The following TCF7L1 variants were observed in gnomAD, a reference collection of about 807,000 sequenced individuals.
TCF7L1 encodes transcription factor 7 like 1, also known as transcription factor 7-like 1.
In TCF7L1, 18 loss-of-function variants were observed where a neutral mutation model predicts 63.7. The observed-to-expected ratio is 0.28, with a 90% CI of 0.20 to 0.42. TCF7L1 has a LOEUF of 0.42. Among genes scored for constraint, TCF7L1 ranks in the 10% least tolerant of loss-of-function variants. The pLI, the probability that TCF7L1 is intolerant of heterozygous loss-of-function variation, is 1.00. For missense variants in TCF7L1, 654 were observed against 779.3 expected (o/e 0.84, Z 1.91); for synonymous variants, 355 against 340.9 (o/e 1.04, Z -0.46).
At chr2:85,177,301 T>G (rs993730934) in intron 3 of TCF7L1, among the ~76,000 whole-genome samples, 1 of 152,182 alleles carries the variant, frequency 6.6e-6, no homozygotes, top group Non-Finnish European at 1.5e-5. Context: ...CATTGGGGAT[T>G]GGATTTCAAC....
chr2:85,306,183 C>T lies in TCF7L1; in HGVS notation c.990-23C>T. On this transcript the variant is annotated intron_variant, in intron 8 of 11. Transcript: ENST00000282111. The surrounding 1 kb of genome is among the most constrained non-coding windows in gnomAD (Gnocchi z 4.3). ...AGTTGTGTGACACCTGACATGCTAA[C>T]CTACAACCACGTGCCTTCCCAGGAA... 6.2e-7 allele frequency: 1 copy of T among 1,613,828 alleles called. No homozygotes were observed. The highest frequency in any genetic ancestry group is 8.5e-7 in the Non-Finnish European group (1 of 1,179,854).
At chr2:85,144,303 G>A (rs1677812720) in intron 3 of TCF7L1, among the ~76,000 whole-genome samples, 1 of 151,724 alleles carries the variant, frequency 6.6e-6, no homozygotes, top group African/African-American at 2.4e-5. Context: ...ATACTAGGCT[G>A]CATGTGGTAG....
intron 3 of TCF7L1, among the ~76,000 whole-genome samples, chr2:85,251,466 T>C (rs1384012094): frequency 3.3e-5 from 5 of 152,232 alleles, no homozygotes; most frequent in Non-Finnish European, 5.9e-5. Context: ...AGGCTTTTTC[T>C]AGCAGCTGTG....
intron 3 of TCF7L1, among the ~76,000 whole-genome samples, chr2:85,208,709 G>C (rs925953322): frequency 2.6e-5 from 4 of 152,140 alleles, no homozygotes; most frequent in Admixed American, 2.0e-4. Context: ...ATGGAAATGG[G>C]AGCTGCCTCT....
At chr2:85,148,834 C>T (rs981866519) in intron 3 of TCF7L1, among the ~76,000 whole-genome samples, 2 of 135,620 alleles carry the variant, frequency 1.5e-5, no homozygotes, top group Admixed American at 8.2e-5. Context: ...AGTGAAGTGG[C>T]GCGATCTTGG....
intron 3 of TCF7L1, among the ~76,000 whole-genome samples, chr2:85,258,369 TC>T (rs1409294904): frequency 6.6e-6 from 1 of 152,152 alleles, no homozygotes; most frequent in Non-Finnish European, 1.5e-5. Context: ...GCCTGACTCT[TC>T]CCTGGACGTG....
At chr2:85,223,273 A>G (rs1679887381) in intron 3 of TCF7L1, among the ~76,000 whole-genome samples, 1 of 152,144 alleles carries the variant, frequency 6.6e-6, no homozygotes, top group Non-Finnish European at 1.5e-5. Context: ...TTGTAGAGAC[A>G]AGGTTTCGAA....
At chr2:85,173,330 G>A (rs1574090243) in intron 3 of TCF7L1, among the ~76,000 whole-genome samples, 1 of 151,830 alleles carries the variant, frequency 6.6e-6, no homozygotes, top group Non-Finnish European at 1.5e-5. Context: ...TACGGAGGGG[G>A]TGGGGGGCTC....
intron 11 of TCF7L1, 80 bp downstream of exon 11, chr2:85,307,797 T>A (rs1682152525): frequency 7.4e-7 from 1 of 1,343,904 alleles, no homozygotes; most frequent in African/African-American, 1.4e-5. Context: ...TCTAGCTCCC[T>A]GATGGGTCAG....
At chr2:85,245,628 C>T (rs903517251) in intron 3 of TCF7L1, among the ~76,000 whole-genome samples, 2 of 151,838 alleles carry the variant, frequency 1.3e-5, no homozygotes, top group Admixed American at 1.3e-4. Context: ...CTGGCTAACA[C>T]GGTGAAACCC....
chr2:85,208,470 G>A (rs1048920129), intron 3 of TCF7L1, among the ~76,000 whole-genome samples: 3 of 152,184 alleles, frequency 2.0e-5, no homozygotes, highest in Admixed American at 1.3e-4. Context: ...AAGAGGTGGG[G>A]ATGTTGTTGT....
At chr2:85,211,826 A>G (rs547887799) in intron 3 of TCF7L1, among the ~76,000 whole-genome samples, 34 of 152,262 alleles carry the variant, frequency 2.2e-4, no homozygotes, top group Middle Eastern at 3.4e-3. Flanking sequence ...ATGGTAGCTC[A>G]TGCCTGTAAT....
Position 85,173,566 on chromosome 2 carries a change from C to A in TCF7L1, c.441+39116C>A, listed in dbSNP as rs558836682. 2.0e-5 allele frequency among the ~76,000 whole-genome samples: 3 copies of A among 152,242 alleles called. No individual in the cohort carries two copies. In the East Asian group the frequency reaches 5.8e-4, roughly 29 times the overall value. ...TATGAAGGCAGGGGAATCGCAAATACATTTATGCCAGTTTTTGTTTTTCAA... is the reference window on the plus strand; with the variant it reads ...TATGAAGGCAGGGGAATCGCAAATAAATTTATGCCAGTTTTTGTTTTTCAA... On this transcript the variant is annotated intron_variant, in intron 3 of 11. Coordinates refer to ENST00000282111, the MANE Select transcript of TCF7L1 (RefSeq NM_031283.3).
intron 3 of TCF7L1, among the ~76,000 whole-genome samples, chr2:85,180,351 A>G (rs1678777014): frequency 6.6e-6 from 1 of 151,558 alleles, no homozygotes; most frequent in African/African-American, 2.4e-5. Flanking sequence ...GGGATTACAG[A>G]TGTGAGCTAC....
chr2:85,159,412 G>C (rs529005834), intron 3 of TCF7L1, among the ~76,000 whole-genome samples: 1 of 152,288 alleles, frequency 6.6e-6, no homozygotes, highest in African/African-American at 2.4e-5. Context: ...AGTTGTGCAG[G>C]CACTGTCCTC....
chr2:85,153,648 A>G (rs939941998), intron 3 of TCF7L1, among the ~76,000 whole-genome samples: 12 of 152,094 alleles, frequency 7.9e-5, no homozygotes, highest in Non-Finnish European at 1.3e-4. Flanking sequence ...GCTAGCCTCT[A>G]TAAAATTTAA....
intron 3 of TCF7L1, among the ~76,000 whole-genome samples, chr2:85,189,481 G>A (rs1027196336): frequency 1.3e-5 from 2 of 152,172 alleles, no homozygotes; most frequent in Non-Finnish European, 2.9e-5. Flanking sequence ...TTTATTTGTT[G>A]GATTTTAATT....
chr2:85,237,948 C>G (rs965454737), intron 3 of TCF7L1, among the ~76,000 whole-genome samples: 1 of 151,962 alleles, frequency 6.6e-6, no homozygotes, highest in Non-Finnish European at 1.5e-5. Context: ...AGGAAAGTGA[C>G]GCAGGGGGAA....
intron 3 of TCF7L1, chr2:85,186,574 G>A (rs1309153017): frequency 6.6e-6 from 1 of 152,194 alleles, no homozygotes; most frequent in Non-Finnish European, 1.5e-5. Context: ...TTCTAATTTA[G>A]CAAAGATGAT....
Sources: allele counts gnomAD v4.1 joint callset (sites outside exome capture counted in the v4.1 genomes callset), GRCh38; gene constraint gnomAD v4.1.1; non-coding constraint Gnocchi (gnomAD v3.1); transcripts MANE v1.5; gene names NCBI Gene and HGNC (gene_info 2026-07-23, HGNC 2026-07-21).